Variants in SLC35F3 observed in about 807,000 individuals in gnomAD.
SLC35F3 encodes the protein solute carrier family 35 member F3.
Under a neutral mutation model 49.9 loss-of-function variants are expected in SLC35F3, and 25 were observed. The observed-to-expected ratio is 0.50, with a 90% confidence interval of 0.37 to 0.70. The LOEUF (loss-of-function observed/expected upper bound fraction) is 0.70, where lower values mean the gene tolerates loss of function less well. Among genes scored for constraint, SLC35F3 ranks in the 30% least tolerant of loss-of-function variants. The pLI is 0.00. For synonymous variants in SLC35F3, 275 were observed against 265.4 expected (o/e 1.04, Z -0.35); for missense variants, 525 against 639.8 (o/e 0.82, Z 1.94).
At chr1:234,043,970 AT>A (rs1392529930) in intron 2 of SLC35F3, among the ~76,000 whole-genome samples, 2 of 152,080 alleles carry the variant, frequency 1.3e-5, no homozygotes. Flanking sequence ...CCCAAAACTT[AT>A]GTTGAAATTT....
At chr1:234,299,609 T>A (rs951851902) in intron 3 of SLC35F3, among the ~76,000 whole-genome samples, 6 of 151,870 alleles carry the variant, frequency 4.0e-5, no homozygotes, top group Admixed American at 2.0e-4. Flanking sequence ...ATTGAGATCA[T>A]CCTGGCTAAC....
Position 234,046,288 on chromosome 1 carries a change from T to C in SLC35F3, c.283+140530T>C, listed in dbSNP as rs1040149653. ...TCTATATTCTTACTAACACCTGCTA[T>C]TGAAGATTTTAAATACTTTTTCAAT... On this transcript the variant is annotated intron_variant, in intron 2 of 7. Coordinates refer to ENST00000366618, the MANE Select transcript of SLC35F3 (RefSeq NM_173508.4). The surrounding 1 kb of genome is among the most constrained non-coding windows in gnomAD (Gnocchi z 4.4). Among the ~76,000 whole-genome samples, 1 of 152,212 alleles carries C rather than the reference T, an allele frequency of 6.6e-6. No homozygotes were observed. Among genetic ancestry groups the C allele is most frequent in the Admixed American group, 6.5e-5 (1 of 15,274 alleles).
At chr1:233,920,283 G>A (rs998780524) in intron 2 of SLC35F3, among the ~76,000 whole-genome samples, 4 of 152,206 alleles carry the variant, frequency 2.6e-5, no homozygotes, top group Admixed American at 1.3e-4. Context: ...CTGGGAGTGG[G>A]AGCAATTGAT....
At chr1:234,120,786 C>T (rs1041180917) in intron 2 of SLC35F3, among the ~76,000 whole-genome samples, 8 of 152,232 alleles carry the variant, frequency 5.3e-5, no homozygotes, top group Admixed American at 2.0e-4. Flanking sequence ...ACACTCCAAT[C>T]TGTTTGCAGT....
intron 2 of SLC35F3, among the ~76,000 whole-genome samples, chr1:234,210,485 G>C (rs957559967): frequency 3.0e-4 from 45 of 152,196 alleles, no homozygotes; most frequent in African/African-American, 9.2e-4. Flanking sequence ...CCAAAATGCT[G>C]ATAGCAATAT....
chr1:234,215,833 G>T (rs1667113556), intron 2 of SLC35F3, among the ~76,000 whole-genome samples: 1 of 152,176 alleles, frequency 6.6e-6, no homozygotes, highest in African/African-American at 2.4e-5. Flanking sequence ...GGCCCAGCAA[G>T]GTGGGTTAAC....
intron 2 of SLC35F3, among the ~76,000 whole-genome samples, chr1:234,104,108 T>G (rs1365963570): frequency 1.3e-5 from 2 of 152,196 alleles, no homozygotes; most frequent in African/African-American, 4.8e-5. Context: ...CTATTCCCCA[T>G]AATTGGCACC....
At chr1:233,972,881 T>G (rs1179150442) in intron 2 of SLC35F3, among the ~76,000 whole-genome samples, 1 of 152,230 alleles carries the variant, frequency 6.6e-6, no homozygotes, top group African/African-American at 2.4e-5. Context: ...ACCATGTCAC[T>G]AAGTAACAAG....
chr1:234,038,249 T>C (rs1664172917), intron 2 of SLC35F3, among the ~76,000 whole-genome samples: 1 of 151,412 alleles, frequency 6.6e-6, no homozygotes, highest in Admixed American at 6.6e-5. Context: ...TTACTGAGAA[T>C]GATGATTTCC....
rs543791746 is a variant in SLC35F3 at position 234,313,330 on chromosome 1, C to T, written c.829-3272C>T. 2.0e-5 allele frequency among the ~76,000 whole-genome samples: 3 copies of T among 152,312 alleles called. No individual in the cohort carries two copies. The South Asian group carries it at 6.2e-4, about 32-fold the overall frequency. On this transcript the variant is annotated intron_variant, in intron 4 of 7. Transcript: ENST00000366618. ...GCCCCACAGGGAGCAGGGAGCAGAA[C>T]TGTCATGGAGATGAGTGGTGTGTCT... is the stretch of plus-strand genomic sequence containing the variant.
chr1:234,162,113 T>C (rs1666237072), intron 2 of SLC35F3, among the ~76,000 whole-genome samples: 1 of 151,998 alleles, frequency 6.6e-6, no homozygotes, highest in Admixed American at 6.6e-5. Context: ...AGAAAACCCA[T>C]AAGTTCTTGA....
intron 2 of SLC35F3, among the ~76,000 whole-genome samples, chr1:233,929,434 CT>C (rs373317908): frequency 1.2e-3 from 177 of 152,268 alleles, no homozygotes; most frequent in African/African-American, 4.1e-3. Flanking sequence ...CTAATCTGAC[CT>C]CTTCACTTTG....
chr1:234,177,554 C>A (rs1666495167), intron 2 of SLC35F3, among the ~76,000 whole-genome samples: 1 of 152,196 alleles, frequency 6.6e-6, no homozygotes, highest in South Asian at 2.1e-4. Flanking sequence ...AATGCAAAGA[C>A]CACATAAAGA....
chr1:234,203,259 C>G (rs967234605), intron 2 of SLC35F3, among the ~76,000 whole-genome samples: 1 of 152,158 alleles, frequency 6.6e-6, no homozygotes, highest in African/African-American at 2.4e-5. Flanking sequence ...AAGAGTTTTA[C>G]ATTTTAAAAA....
intron 2 of SLC35F3, among the ~76,000 whole-genome samples, chr1:233,937,171 T>A (rs1460536979): frequency 1.3e-5 from 2 of 152,172 alleles, no homozygotes; most frequent in East Asian, 3.8e-4. Context: ...CAAGAAGAAC[T>A]GAACCTTAAT....
chr1:234,051,518 A>G (rs527804258), intron 2 of SLC35F3, among the ~76,000 whole-genome samples: 21 of 152,216 alleles, frequency 1.4e-4, no homozygotes, highest in Non-Finnish European at 2.4e-4. Flanking sequence ...GAAGTTGCTT[A>G]TCAGCATAAG....
intron 2 of SLC35F3, among the ~76,000 whole-genome samples, chr1:234,175,311 A>C (rs1008009841): frequency 6.6e-6 from 1 of 152,230 alleles, no homozygotes. Flanking sequence ...ATTGTCCATA[A>C]GAAGTAGGAC....
chr1:233,924,056 T>C (rs1460701162), intron 2 of SLC35F3, among the ~76,000 whole-genome samples: 7 of 152,232 alleles, frequency 4.6e-5, no homozygotes, highest in African/African-American at 7.2e-5. Context: ...CAGTATTTTA[T>C]TGAGGATTTT....
intron 2 of SLC35F3, among the ~76,000 whole-genome samples, chr1:234,210,695 G>A (rs1190586408): frequency 6.6e-6 from 1 of 152,244 alleles, no homozygotes. Context: ...GCTGTTAAAG[G>A]CATTCAGTTT....
Sources: allele counts gnomAD v4.1 joint callset (sites outside exome capture counted in the v4.1 genomes callset), GRCh38; gene constraint gnomAD v4.1.1; non-coding constraint Gnocchi (gnomAD v3.1); transcripts MANE v1.5; gene names NCBI Gene and HGNC (gene_info 2026-07-23, HGNC 2026-07-21).